PINX1: variants seen among roughly 807,000 people sequenced by gnomAD.
The protein encoded by PINX1 is PIN2/TERF1-interacting telomerase inhibitor 1.
In PINX1, 34 loss-of-function variants were observed where a neutral mutation model predicts 25.4. That is an observed-to-expected ratio of 1.34 (90% CI 1.02 to 1.78). PINX1 has a LOEUF of 1.78. Among genes scored for constraint, PINX1 ranks in the 40% most tolerant of loss-of-function variants. The probability of loss-of-function intolerance (pLI) is 0.00; values close to 1 mark genes in which losing one functional copy is unlikely to be tolerated. For synonymous variants in PINX1, 197 were observed against 147.7 expected (o/e 1.33, Z -2.42); for missense variants, 592 against 404.9 (o/e 1.46, Z -3.97).
Position 10,784,231 on chromosome 8 carries a change from G to A in PINX1, c.472-18315C>T, listed in dbSNP as rs1004982212. ...TGAGGAGGCTGATCTAAAACGAAAT[G>A]ACTGATTTAACTAAATGAATAATAT... On this transcript the variant is annotated intron_variant, in intron 6 of 6. Coordinates refer to ENST00000314787, the MANE Select transcript of PINX1 (RefSeq NM_017884.6). Among the ~76,000 whole-genome samples the A allele has an allele frequency of 3.9e-5, 6 of 152,296 alleles. No individual in the cohort carries two copies. In the East Asian group the frequency reaches 1.2e-3, roughly 29 times the overall value.
At chr8:10,789,666 G>C (rs1306918930) in intron 6 of PINX1, among the ~76,000 whole-genome samples, 4 of 152,182 alleles carry the variant, frequency 2.6e-5, no homozygotes, top group Non-Finnish European at 4.4e-5. Context: ...CAGTGGCAGA[G>C]CCAAAAACGC....
intron 1 of PINX1, among the ~76,000 whole-genome samples, chr8:10,835,426 A>G (rs1409624616): frequency 1.3e-5 from 2 of 152,336 alleles, no homozygotes; most frequent in Non-Finnish European, 2.9e-5. Context: ...TATATTCTTA[A>G]TTCACAACAT....
At chr8:10,828,042 A>C (rs113010012) in intron 4 of PINX1, among the ~76,000 whole-genome samples, 6 of 152,142 alleles carry the variant, frequency 3.9e-5, no homozygotes, top group African/African-American at 1.4e-4. Context: ...ATGTGACTGC[A>C]CTGCAACCCC....
chr8:10,806,516 T>C (rs540609399), intron 6 of PINX1, among the ~76,000 whole-genome samples: 8 of 152,298 alleles, frequency 5.3e-5, no homozygotes, highest in East Asian at 1.9e-4. Flanking sequence ...GTTTATAACA[T>C]TGTGGAAATG....
At chr8:10,790,576 A>C (rs73546269) in intron 6 of PINX1, among the ~76,000 whole-genome samples, 1 of 151,798 alleles carries the variant, frequency 6.6e-6, no homozygotes, top group African/African-American at 2.4e-5. Context: ...TCAGCCCCCA[A>C]TCCCAGGGCC....
At chr8:10,804,402 C>T (rs7820819) in intron 6 of PINX1, among the ~76,000 whole-genome samples, 35,218 of 151,936 alleles carry the variant, frequency 0.23, 4,222 homozygotes, top group East Asian at 0.33. Context: ...GTGAGAAGAG[C>T]CCCGGGAGGT....
chr8:10,767,153 A>C (rs1801078294), intron 6 of PINX1, among the ~76,000 whole-genome samples: 1 of 152,224 alleles, frequency 6.6e-6, no homozygotes, highest in Admixed American at 6.5e-5. Flanking sequence ...CTGAATAAAG[A>C]AATCTCCAAA....
intron 6 of PINX1, among the ~76,000 whole-genome samples, chr8:10,787,252 G>A (rs997098330): frequency 1.3e-5 from 2 of 151,874 alleles, no homozygotes; most frequent in East Asian, 1.9e-4. Context: ...CCAAGAGACA[G>A]AGTCTTGCTT....
chr8:10,792,543 A>T (rs1221402157), intron 6 of PINX1, among the ~76,000 whole-genome samples: 1 of 152,026 alleles, frequency 6.6e-6, no homozygotes, highest in Non-Finnish European at 1.5e-5. Flanking sequence ...ACCCGCCATC[A>T]CTCAGGAGTG....
intron 6 of PINX1, among the ~76,000 whole-genome samples, chr8:10,799,991 A>C (rs76334880): frequency 1.3e-5 from 2 of 152,330 alleles, no homozygotes; most frequent in African/African-American, 4.8e-5. Context: ...CATATGACTC[A>C]CAAGGGCAGA....
At chr8:10,807,852 A>C (rs1475588102) in intron 6 of PINX1, among the ~76,000 whole-genome samples, 1 of 152,206 alleles carries the variant, frequency 6.6e-6, no homozygotes, top group Non-Finnish European at 1.5e-5. Flanking sequence ...CCAGGAGGCC[A>C]GGGAAATGGC....
At chr8:10,822,120 T>G (rs1441357506) in intron 5 of PINX1, 2 of 152,230 alleles carry the variant, frequency 1.3e-5, no homozygotes, top group Non-Finnish European at 2.9e-5. Flanking sequence ...TGCTCTGGAT[T>G]TGATCTGGAA....
At chr8:10,825,545 A>G (rs1798010471) in intron 5 of PINX1, 1 of 499,320 alleles carries the variant, frequency 2.0e-6, no homozygotes, top group South Asian at 1.5e-5. Flanking sequence ...GCATGCACAA[A>G]TGATTTCACA....
chr8:10,818,978 G>A (rs1374436945), intron 6 of PINX1, among the ~76,000 whole-genome samples: 1 of 152,214 alleles, frequency 6.6e-6, no homozygotes, highest in Non-Finnish European at 1.5e-5. Flanking sequence ...AAGCCAGCCT[G>A]TCTGACCATG....
chr8:10,808,898 A>G (rs1802538465), intron 6 of PINX1, among the ~76,000 whole-genome samples: 2 of 152,258 alleles, frequency 1.3e-5, no homozygotes, highest in East Asian at 3.8e-4. Flanking sequence ...CAGAAAAGGA[A>G]AAGTTGGAAA....
chr8:10,807,770 G>A (rs889305523), intron 6 of PINX1, among the ~76,000 whole-genome samples: 3 of 152,194 alleles, frequency 2.0e-5, no homozygotes, highest in African/African-American at 7.2e-5. Flanking sequence ...TCAGACCTGT[G>A]CCCTTTTCAG....
chr8:10,776,993 C>T (rs1345891511), intron 6 of PINX1, among the ~76,000 whole-genome samples: 1 of 152,226 alleles, frequency 6.6e-6, no homozygotes, highest in Admixed American at 6.5e-5. Flanking sequence ...TCCTCTTCTC[C>T]TGCACTAGAC....
At chr8:10,831,277 T>C (rs1798219363) in intron 4 of PINX1, among the ~76,000 whole-genome samples, 1 of 152,202 alleles carries the variant, frequency 6.6e-6, no homozygotes, top group Non-Finnish European at 1.5e-5. Context: ...TTATTAGAGC[T>C]GCGTAAGGAA....
At chr8:10,812,468 G>T (rs1345269390) in intron 6 of PINX1, among the ~76,000 whole-genome samples, 1 of 152,206 alleles carries the variant, frequency 6.6e-6, no homozygotes, top group Non-Finnish European at 1.5e-5. Flanking sequence ...CCTGCACAGG[G>T]CACTCCCAAG....
Sources: allele counts gnomAD v4.1 joint callset (sites outside exome capture counted in the v4.1 genomes callset), GRCh38; gene constraint gnomAD v4.1.1; transcripts MANE v1.5; gene names NCBI Gene and HGNC (gene_info 2026-07-23, HGNC 2026-07-21).